Variants in SKIC3 observed in about 807,000 individuals in gnomAD.
SKIC3 encodes superkiller complex protein 3.
At chr5:95,505,738 CA>C in the SKIC3 span, among the ~76,000 whole-genome samples, 1 of 151,358 alleles carries the variant, frequency 6.6e-6, no homozygotes, top group Non-Finnish European at 1.5e-5. Flanking sequence ...TCTTGAACCC[CA>C]GAGGTGGAGG....
At chr5:95,490,623 GA>G in the SKIC3 span, among the ~76,000 whole-genome samples, 3 of 151,360 alleles carry the variant, frequency 2.0e-5, no homozygotes, top group African/African-American at 7.3e-5. Flanking sequence ...TCAGCCTCCA[GA>G]GTAGCTAGGA....
At chr5:95,528,906 T>A in the SKIC3 span, 2 of 1,004,850 alleles carry the variant, frequency 2.0e-6, no homozygotes, top group Non-Finnish European at 3.1e-6. Context: ...AAATATAGCA[T>A]TTTGGTTTTT....
the SKIC3 span, chr5:95,523,868 A>T: frequency 6.3e-7 from 1 of 1,591,156 alleles, no homozygotes; most frequent in South Asian, 1.1e-5. Context: ...ACAGAACATT[A>T]AAAGTTCATT....
chr5:95,497,858 T>C, the SKIC3 span, among the ~76,000 whole-genome samples: 16 of 152,040 alleles, frequency 1.1e-4, no homozygotes, highest in Non-Finnish European at 1.8e-4. Context: ...ATAAGCTTTA[T>C]ATTAAAATAA....
the SKIC3 span, among the ~76,000 whole-genome samples, chr5:95,492,652 G>GAAGAAAAAAA: frequency 4.1e-5 from 2 of 48,836 alleles, no homozygotes; most frequent in African/African-American, 2.9e-4. Flanking sequence ...AAAAAAAAAA[G>GAAGAAAAAAA]AAAAAAAAAA....
the SKIC3 span, chr5:95,524,486 CTTTGT>C: frequency 6.2e-7 from 1 of 1,613,334 alleles, no homozygotes; most frequent in East Asian, 2.2e-5. Context: ...GGGTAAGAGC[CTTTGT>C]TTTATCTTTT....
the SKIC3 span, among the ~76,000 whole-genome samples, chr5:95,500,308 A>G: frequency 6.6e-6 from 1 of 152,228 alleles, no homozygotes; most frequent in Non-Finnish European, 1.5e-5. Flanking sequence ...AATTCCTACC[A>G]GAAGGGTTAA....
At chr5:95,494,675 T>C in the SKIC3 span, 16 of 1,612,008 alleles carry the variant, frequency 9.9e-6, no homozygotes, top group Non-Finnish European at 1.2e-5. Context: ...ATAGATATTA[T>C]ATGCACCTGG....
the SKIC3 span, among the ~76,000 whole-genome samples, chr5:95,466,596 A>C: frequency 6.6e-6 from 1 of 152,224 alleles, no homozygotes; most frequent in Non-Finnish European, 1.5e-5. Context: ...GTTTCAGGAA[A>C]AGAGAAATAT....
the SKIC3 span, chr5:95,513,716 G>C: frequency 6.9e-7 from 1 of 1,457,204 alleles, no homozygotes; most frequent in Non-Finnish European, 9.6e-7. Context: ...AAATGAAACT[G>C]TCTAGAAGAA....
chr5:95,483,612 T>C, the SKIC3 span, among the ~76,000 whole-genome samples: 12 of 152,196 alleles, frequency 7.9e-5, no homozygotes, highest in African/African-American at 2.9e-4. Flanking sequence ...TCTTTCTCTG[T>C]AAAATGTATA....
the SKIC3 span, among the ~76,000 whole-genome samples, chr5:95,505,223 A>C: frequency 6.6e-6 from 1 of 152,170 alleles, no homozygotes; most frequent in South Asian, 2.1e-4. Context: ...TGTTGTGGAA[A>C]TCTTTTTATA....
chr5:95,501,618 A>G, the SKIC3 span, among the ~76,000 whole-genome samples: 388 of 152,144 alleles, frequency 2.6e-3, 1 homozygote, highest in Non-Finnish European at 3.0e-3. Flanking sequence ...AAAACAAAAA[A>G]CCTAGGCTTG....
the SKIC3 span, chr5:95,502,842 A>G: frequency 6.2e-7 from 1 of 1,609,322 alleles, no homozygotes; most frequent in Non-Finnish European, 8.5e-7. Flanking sequence ...ATATCTAAGT[A>G]TCTGGTCATG....
the SKIC3 span, chr5:95,478,351 C>T: frequency 6.2e-7 from 1 of 1,613,986 alleles, no homozygotes. Flanking sequence ...CCCACTCCAA[C>T]TGCCCCGTTG....
the SKIC3 span, among the ~76,000 whole-genome samples, chr5:95,518,842 G>A: frequency 2.0e-5 from 3 of 151,964 alleles, no homozygotes; most frequent in African/African-American, 7.2e-5. Context: ...GGGGTTGCTG[G>A]ATCATACGGT....
the SKIC3 span, among the ~76,000 whole-genome samples, chr5:95,539,773 G>A: frequency 1.3e-5 from 2 of 151,130 alleles, no homozygotes; most frequent in Non-Finnish European, 2.9e-5. Context: ...GAACCTAGGA[G>A]GCAGAGGTTG....
the SKIC3 span, chr5:95,536,732 A>G: frequency 9.4e-7 from 1 of 1,062,740 alleles, no homozygotes; most frequent in Non-Finnish European, 1.5e-6. Flanking sequence ...TAAACATGGT[A>G]GACACTAAAA....
At chr5:95,507,949 A>C in the SKIC3 span, among the ~76,000 whole-genome samples, 1 of 151,418 alleles carries the variant, frequency 6.6e-6, no homozygotes, top group African/African-American at 2.4e-5. Flanking sequence ...AAAAAATAGC[A>C]AACACCCTAG....
Sources: gnomAD v4.1 joint callset for allele counts (sites outside exome capture counted in the v4.1 genomes callset) on GRCh38, gnomAD v4.1.1 for gene constraint, MANE v1.5 for transcripts, NCBI Gene and HGNC (gene_info 2026-07-23, HGNC 2026-07-21) for gene names.